The following PI3 variants were observed in gnomAD, a reference collection of about 807,000 sequenced individuals.
PI3 encodes peptidase inhibitor 3, also known as elafin.
PI3 carries 4 observed loss-of-function variants against 6.0 expected under a neutral mutation model. The observed-to-expected ratio is 0.67, with a 90% CI of 0.33 to 1.54. The LOEUF (loss-of-function observed/expected upper bound fraction) is 1.54. Among genes scored for constraint, PI3 ranks in the 40% most tolerant of loss-of-function variants. PI3 has a pLI of 0.06. For missense variants in PI3, 149 were observed against 147.6 expected, an observed-to-expected ratio of 1.01 and a Z score of -0.05; for synonymous variants, 58 against 56.9, an observed-to-expected ratio of 1.02 and a Z score of -0.09.
rs541768512 is a variant in PI3 at position 45,176,025 on chromosome 20, C to T, written c.244C>T (p.Arg82Trp). Residue 82 changes from arginine to tryptophan, a missense_variant, in exon 2 of 3, where the codon CGG (arginine) becomes TGG (tryptophan). Arg to Trp is a moderately radical substitution (Grantham distance 101, BLOSUM62 -3). Transcript: ENST00000243924. Reference protein sequence around the residue: ...KPGSCPIILIRCAMLNPPNRC... With the variant: ...KPGSCPIILIWCAMLNPPNRC... ...TGGCTCCTGCCCCATTATCTTGATC[C>T]GGTGCGCCATGTTGAATCCCCCTAA... The T allele has an allele frequency of 2.0e-5, 32 of 1,614,140 alleles. No homozygotes were observed. The highest frequency in any genetic ancestry group is 3.3e-5 in the Admixed American group (2 of 60,018).
Position 45,176,156 on chromosome 20 carries a change from C to G in PI3, c.*1+20C>G. On this transcript the variant is annotated intron_variant, in intron 2 of 2. Transcript: ENST00000243924. ...AGTGAGGTGAGCACTAGCTGGAGAA[C>G]GAGGAGACCCCTGAAGACACAAAAG... 1.2e-6 allele frequency: 2 copies of G among 1,612,208 alleles called. No individual in the cohort carries two copies. Among genetic ancestry groups the G allele is most frequent in the Non-Finnish European group, 1.7e-6 (2 of 1,178,864 alleles).
At chr20:45,175,501 G>C (rs1982771818) in intron 1 of PI3, among the ~76,000 whole-genome samples, 2 of 152,182 alleles carry the variant, frequency 1.3e-5, no homozygotes, top group Admixed American at 6.5e-5. Flanking sequence ...CCAGGATGGG[G>C]CTCAAGTCTC....
Position 45,174,967 on chromosome 20 carries a change from TG to T in PI3, c.48del (p.Thr17ArgfsTer4), listed in dbSNP as rs1260940059. 2.5e-6 allele frequency: 4 copies of T among 1,613,300 alleles called. No individual in the cohort carries two copies. Among genetic ancestry groups the T allele is most frequent in the Non-Finnish European group, 3.4e-6 (4 of 1,179,492 alleles). On this transcript the variant is annotated frameshift_variant, in exon 1 of 3. Transcript: ENST00000243924. LOFTEE classifies it high-confidence loss of function. ...TGATCGTGGTGGTGTTCCTCATCGC[TG>T]GGACGCTGGTTCTAGAGGCAGCTGT... ...FLIVVVFLIA[G>X]TLVLEAAVTG...
rs147005139 is a variant in PI3 at position 45,176,104 on chromosome 20, C to T, written c.323C>T (p.Ser108Phe). 5 of 1,614,012 alleles carry T rather than the reference C, an allele frequency of 3.1e-6. No homozygotes were observed. The African/African-American group carries it at 5.3e-5, about 17-fold the overall frequency. The change falls in exon 2 of 3, where the codon TCT becomes TTT. Residue 108 changes from serine to phenylalanine, a missense_variant. Ser to Phe is a radical substitution (Grantham distance 155). Coordinates refer to ENST00000243924, the MANE Select transcript of PI3 (RefSeq NM_002638.4). ...CPGIKKCCEGSCGMACFVPQ is the reference protein window; with the variant it reads ...CPGIKKCCEGFCGMACFVPQ ...GGAATCAAGAAGTGCTGTGAAGGCT[C>T]TTGCGGGATGGCCTGTTTCGTTCCC...
At chr20:45,175,714 G>A in intron 1 of PI3, 147 bp from the exon 2 acceptor site, 1 of 795,126 alleles carries the variant, frequency 1.3e-6, no homozygotes, top group Non-Finnish European at 2.1e-6. Context: ...CAAGAGTGTA[G>A]CTCCCAGAGG....
Position 45,174,920 on chromosome 20 carries a change from A to C in PI3, c.-3A>C, listed in dbSNP as rs1188055800. On this transcript the variant is annotated 5_prime_UTR_variant, in exon 1 of 3. Coordinates refer to ENST00000243924, the MANE Select transcript of PI3 (RefSeq NM_002638.4). Reference sequence around the variant, plus strand: ...GCTCTTAGCCAAACACCTTCCTGACACCATGAGGGCCAGCAGCTTCTTGAT... The same window carrying C: ...GCTCTTAGCCAAACACCTTCCTGACCCCATGAGGGCCAGCAGCTTCTTGAT... 3 of 1,611,450 alleles carry C rather than the reference A, an allele frequency of 1.9e-6. No individual in the cohort carries two copies. The Admixed American group carries it at 5.0e-5, about 27-fold the overall frequency.
chr20:45,175,323 A>G (rs951892248), intron 1 of PI3, among the ~76,000 whole-genome samples: 1 of 152,232 alleles, frequency 6.6e-6, no homozygotes, highest in African/African-American at 2.4e-5. Context: ...GTGTGGACAC[A>G]GTCCCCCGTT....
Position 45,175,916 on chromosome 20 carries a change from T to C in PI3, c.135T>C (p.Asp45=). 6.2e-7 allele frequency: 1 copy of C among 1,614,070 alleles called. No homozygotes were observed. Among genetic ancestry groups the C allele is most frequent in the Non-Finnish European group, 8.5e-7 (1 of 1,179,962 alleles). The change falls in exon 2 of 3, where the codon GAT becomes GAC. Residue 45 remains aspartate, a synonymous_variant. Transcript: ENST00000243924. ...VKGRVPFNGQ[D]PVKGQVSVKG... The stretch of plus-strand genomic sequence containing the variant: ...GCCGTGTTCCATTCAATGGACAAGA[T>C]CCCGTTAAAGGACAAGTTTCAGTTA...
At chr20:45,176,346 C>T in intron 2 of PI3, 24 bp from the exon 3 acceptor site, 1 of 594,806 alleles carries the variant, frequency 1.7e-6, no homozygotes. Context: ...TGACTCTCAC[C>T]TCTGATACTC....
chr20:45,175,292 C>A (rs1982767803), intron 1 of PI3, among the ~76,000 whole-genome samples: 1 of 152,210 alleles, frequency 6.6e-6, no homozygotes, highest in African/African-American at 2.4e-5. Flanking sequence ...AAATAATGAA[C>A]TCCAGGATTT....
Position 45,174,986 on chromosome 20 carries a change from GC to G in PI3, c.65del (p.Ala22GlufsTer59). 6.2e-7 allele frequency: 1 copy of G among 1,612,574 alleles called. No homozygotes were observed. The highest frequency in any genetic ancestry group is 8.5e-7 in the Non-Finnish European group (1 of 1,179,024). On this transcript the variant is annotated frameshift_variant, in exon 1 of 3. Coordinates refer to ENST00000243924, the MANE Select transcript of PI3 (RefSeq NM_002638.4). LOFTEE classifies it high-confidence loss of function. ...CATCGCTGGGACGCTGGTTCTAGAGGCAGCTGTCACGGGAGGTGAGTGAACA... is the reference window on the plus strand; with the variant it reads ...CATCGCTGGGACGCTGGTTCTAGAGGAGCTGTCACGGGAGGTGAGTGAACA... ...FLIAGTLVLE[A>X]AVTGVPVKGQ...
At chr20:45,175,728 A>T in intron 1 of PI3, 133 bp from the exon 2 acceptor site, 1 of 906,978 alleles carries the variant, frequency 1.1e-6, no homozygotes, top group East Asian at 2.4e-5. Flanking sequence ...CCAGAGGTGT[A>T]CCTTCCCTAC....
chr20:45,175,748 G>A, intron 1 of PI3, 113 bp from the exon 2 acceptor site: 1 of 1,105,678 alleles, frequency 9.0e-7, no homozygotes, highest in South Asian at 1.5e-5. Flanking sequence ...CTCAGGCCAT[G>A]GTTTGAGGAT....
At position 45,175,859 on chromosome 20, in the gene PI3, A is replaced by C. The variant is rs772921885; in HGVS notation, c.80-2A>C. The stretch of plus-strand genomic sequence containing the variant: ...ATGTGGGCTCGTTTCTTCTTTTAAC[A>C]GTTCCTGTTAAAGGTCAAGACACTG... On this transcript the variant is annotated splice_acceptor_variant, in intron 1 of 2. Transcript: ENST00000243924. LOFTEE classifies it high-confidence loss of function. 6.2e-7 allele frequency: 1 copy of C among 1,613,942 alleles called. No individual in the cohort carries two copies. The highest frequency in any genetic ancestry group is 8.5e-7 in the Non-Finnish European group (1 of 1,179,920).
chr20:45,175,019 C>A lies in PI3; in HGVS notation c.79+18C>A. 6.2e-7 allele frequency: 1 copy of A among 1,602,768 alleles called. No homozygotes were observed. The highest frequency in any genetic ancestry group is 8.5e-7 in the Non-Finnish European group (1 of 1,172,408). ...CACGGGAGGTGAGTGAACAGGTGAC[C>A]TGCTGGGCTGGGTTGGACTAAGGGG... On this transcript the variant is annotated intron_variant, in intron 1 of 2. Coordinates refer to ENST00000243924, the MANE Select transcript of PI3 (RefSeq NM_002638.4).
At chr20:45,175,774 G>A in intron 1 of PI3, 87 bp from the exon 2 acceptor site, 1 of 1,418,016 alleles carries the variant, frequency 7.1e-7, no homozygotes, top group Non-Finnish European at 9.8e-7. Flanking sequence ...AGTAAGCAGT[G>A]GATGGACCCA....
In PI3 at chr20:45,176,062, A is replaced by C. The variant is rs1268575101; in HGVS notation, c.281A>C (p.Lys94Thr). Residue 94 changes from lysine to threonine, a missense_variant, in exon 2 of 3, where the codon AAA becomes ACA. Coordinates refer to ENST00000243924, the MANE Select transcript of PI3 (RefSeq NM_002638.4). Reference protein sequence around the residue: ...AMLNPPNRCLKDTDCPGIKKC... With the variant: ...AMLNPPNRCLTDTDCPGIKKC... Reference sequence around the variant, plus strand: ...TTGAATCCCCCTAACCGCTGCTTGAAAGATACTGACTGCCCAGGAATCAAG... The same window carrying C: ...TTGAATCCCCCTAACCGCTGCTTGACAGATACTGACTGCCCAGGAATCAAG... 3.1e-6 allele frequency: 5 copies of C among 1,614,076 alleles called. No homozygotes were observed. The South Asian group carries it at 5.5e-5, about 18-fold the overall frequency.
Position 45,174,937 on chromosome 20 carries a change from C to T in PI3, c.15C>T (p.Ser5=). ...TTCCTGACACCATGAGGGCCAGCAG[C>T]TTCTTGATCGTGGTGGTGTTCCTCA... is the stretch of plus-strand genomic sequence containing the variant. MRAS[S]FLIVVVFLIA... Residue 5 remains serine (S), a synonymous_variant, in exon 1 of 3, where the codon AGC becomes AGT. Coordinates refer to ENST00000243924, the MANE Select transcript of PI3 (RefSeq NM_002638.4). 6.2e-7 allele frequency: 1 copy of T among 1,613,080 alleles called. No homozygotes were observed. Among genetic ancestry groups the T allele is most frequent in the Middle Eastern group, 1.7e-4 (1 of 6,054 alleles).
Position 45,176,031 on chromosome 20 carries a change from G to C in PI3, c.250G>C (p.Ala84Pro), listed in dbSNP as rs780306943. 2.5e-6 allele frequency: 4 copies of C among 1,613,996 alleles called. No individual in the cohort carries two copies. Among genetic ancestry groups the C allele is most frequent in the Non-Finnish European group, 3.4e-6 (4 of 1,180,006 alleles). Residue 84 changes from alanine (A) to proline (P), a missense_variant, in exon 2 of 3, where the codon GCC becomes CCC. Coordinates refer to ENST00000243924, the MANE Select transcript of PI3 (RefSeq NM_002638.4). Reference protein sequence around the residue: ...GSCPIILIRCAMLNPPNRCLK... With the variant: ...GSCPIILIRCPMLNPPNRCLK... ...CTGCCCCATTATCTTGATCCGGTGCGCCATGTTGAATCCCCCTAACCGCTG... is the reference window on the plus strand; with the variant it reads ...CTGCCCCATTATCTTGATCCGGTGCCCCATGTTGAATCCCCCTAACCGCTG...
Sources: gnomAD v4.1 joint callset for allele counts (sites outside exome capture counted in the v4.1 genomes callset) on GRCh38, gnomAD v4.1.1 for gene constraint, MANE v1.5 for transcripts, NCBI Gene and HGNC (gene_info 2026-07-23, HGNC 2026-07-21) for gene names.